The following PLEKHS1 variants were observed in gnomAD, a reference collection of about 807,000 sequenced individuals.
PLEKHS1 encodes the protein pleckstrin homology domain-containing family S member 1.
Under a neutral mutation model 51.0 loss-of-function variants are expected in PLEKHS1, and 55 were observed. That is an observed-to-expected ratio of 1.08 (90% CI 0.87 to 1.35). PLEKHS1 has a LOEUF of 1.35. PLEKHS1 is among the 40% of genes most tolerant of loss of function. The pLI is 0.00. For synonymous variants in PLEKHS1, 153 were observed against 144.8 expected (o/e 1.06, Z -0.41); for missense variants, 398 against 423.0 (o/e 0.94, Z 0.52).
exon 12 of PLEKHS1, chr10:113,782,182 T>C (rs1176661329): frequency 6.6e-6 from 1 of 152,140 alleles, no homozygotes; most frequent in East Asian, 1.9e-4. Flanking sequence ...TTACCATGCT[T>C]CACATGGAAA....
rs771104780 is a variant in PLEKHS1 at position 113,767,499 on chromosome 10, A to G, written c.359+20A>G. On this transcript the variant is annotated intron_variant, in intron 5 of 11. Transcript: ENST00000361048. The stretch of plus-strand genomic sequence containing the variant: ...CGACAGGTGAGAGAAGTAAGATAAC[A>G]CAGAATATCTACTGCATGCAAAACA... 1 of 1,596,160 alleles carries G rather than the reference A, an allele frequency of 6.3e-7. No individual in the cohort carries two copies. Among genetic ancestry groups the G allele is most frequent in the South Asian group, 1.1e-5 (1 of 87,292 alleles).
At chr10:113,762,291 T>C (rs1366582968) in intron 2 of PLEKHS1, among the ~76,000 whole-genome samples, 1 of 151,730 alleles carries the variant, frequency 6.6e-6, no homozygotes, top group Non-Finnish European at 1.5e-5. Context: ...TCTGTTGTTT[T>C]TCTGTGTTCT....
At position 113,774,940 on chromosome 10, in the gene PLEKHS1, T is replaced by C. The variant is rs550705782; in HGVS notation, c.894T>C (p.Asp298=). Residue 298 remains aspartate, a synonymous_variant, in exon 10 of 12, where the codon GAT becomes GAC. Transcript: ENST00000361048. ...TGCAAGAACAAGGCTCAGGAATTGA[T>C]TGGTGTCTTTCCCCTGCCGATGTGG... 4.0e-5 allele frequency: 64 copies of C among 1,614,152 alleles called. No homozygotes were observed. In the South Asian group the frequency reaches 4.7e-4, roughly 12 times the overall value.
intron 6 of PLEKHS1, 152 bp from the exon 7 acceptor site, chr10:113,769,632 T>C (rs1399159971): frequency 1.5e-6 from 1 of 668,934 alleles, no homozygotes; most frequent in Non-Finnish European, 2.7e-6. Context: ...AGTTCGGCTC[T>C]TGTCTTGGTG....
At chr10:113,761,509 A>T (rs4917667) in intron 2 of PLEKHS1, among the ~76,000 whole-genome samples, 27,930 of 151,858 alleles carry the variant, frequency 0.18, 2,675 homozygotes, top group East Asian at 0.29. Flanking sequence ...GTTAAATTTA[A>T]CCCTAGGTAC....
At chr10:113,756,706 G>A (rs2134468735) in intron 2 of PLEKHS1, among the ~76,000 whole-genome samples, 1 of 152,252 alleles carries the variant, frequency 6.6e-6, no homozygotes, top group African/African-American at 2.4e-5. Flanking sequence ...CCAGCAGAAG[G>A]AATGGCATGA....
At chr10:113,753,005 C>CA (rs565270096) in intron 1 of PLEKHS1, among the ~76,000 whole-genome samples, 2 of 152,036 alleles carry the variant, frequency 1.3e-5, no homozygotes, top group South Asian at 2.1e-4. Context: ...ATTCTGAACA[C>CA]AAAAAAATAA....
At position 113,780,755 on chromosome 10, in the gene PLEKHS1, A is replaced by T. The variant is rs555109084; in HGVS notation, c.*153A>T. On this transcript the variant is annotated 3_prime_UTR_variant, in exon 12 of 12. Transcript: ENST00000361048. ...CAAGAGGAGTCCGGCCATTAAAAAG[A>T]GCCAGCAGAAAGGAGCCAGGGAGTA... 24 of 1,571,044 alleles carry T rather than the reference A, an allele frequency of 1.5e-5. No individual in the cohort carries two copies. The South Asian group carries it at 2.2e-4, about 14-fold the overall frequency.
At chr10:113,755,776 C>T (rs1362945991) in intron 2 of PLEKHS1, among the ~76,000 whole-genome samples, 1 of 152,190 alleles carries the variant, frequency 6.6e-6, no homozygotes, top group Non-Finnish European at 1.5e-5. Flanking sequence ...GTAGCAGGAA[C>T]TGTTGGATTC....
At chr10:113,766,552 T>A (rs1191856371) in intron 3 of PLEKHS1, 53 bp downstream of exon 3, 4 of 1,587,358 alleles carry the variant, frequency 2.5e-6, no homozygotes, top group African/African-American at 2.7e-5. Flanking sequence ...TGAGCATTTT[T>A]AAAAATCATT....
chr10:113,770,249 TG>T (rs1844346260), intron 7 of PLEKHS1, among the ~76,000 whole-genome samples: 1 of 152,228 alleles, frequency 6.6e-6, no homozygotes, highest in Non-Finnish European at 1.5e-5. Context: ...AGACACTACC[TG>T]ATTTCTGCCC....
rs574445766 is a variant in PLEKHS1 at position 113,766,869 on chromosome 10, G to T, written c.224+151G>T. 7 of 600,668 alleles carry T rather than the reference G, an allele frequency of 1.2e-5. No individual in the cohort carries two copies. The East Asian group carries it at 1.8e-4, about 15-fold the overall frequency. The allele number at this position is 600,668 out of a possible 1,614,324, so 37.2% of individuals were successfully genotyped here. On this transcript the variant is annotated intron_variant, in intron 4 of 11. Coordinates refer to ENST00000361048, the Ensembl canonical transcript of PLEKHS1. ...TTGTGACTGAATAGGAGCTAAAATA[G>T]TGAGCACTTTGAGTTAAAAGATAGT...
At chr10:113,781,241 TTCCCAACA>T (rs1844857865) in exon 12 of PLEKHS1, 1 of 75,482 alleles carries the variant, frequency 1.3e-5, no homozygotes. Context: ...CCCAACATCC[TTCCCAACA>T]CCTCCTTCCC....
At chr10:113,773,216 A>C (rs1485551113) in intron 8 of PLEKHS1, among the ~76,000 whole-genome samples, 1 of 152,216 alleles carries the variant, frequency 6.6e-6, no homozygotes, top group Non-Finnish European at 1.5e-5. Flanking sequence ...AGTCAGATAC[A>C]ACACATGGCA....
At chr10:113,767,317 T>C (rs1844207906) in intron 4 of PLEKHS1, 28 bp from the exon 5 acceptor site, 9 of 1,533,820 alleles carry the variant, frequency 5.9e-6, no homozygotes, top group Non-Finnish European at 7.9e-6. Context: ...TTTACCTTGG[T>C]TTAATACTTT....
intron 2 of PLEKHS1, among the ~76,000 whole-genome samples, chr10:113,755,647 C>T (rs4918866): frequency 0.078 from 11,879 of 152,072 alleles, 590 homozygotes; most frequent in East Asian, 0.16. Context: ...TAGGTGATTC[C>T]CCACCTCTCA....
chr10:113,771,998 T>A (rs1844432360), exon 8 of PLEKHS1: 1 of 1,613,156 alleles, frequency 6.2e-7, no homozygotes, highest in Non-Finnish European at 8.5e-7. Flanking sequence ...TCTCCAGGAT[T>A]TAGGCAAACT....
intron 8 of PLEKHS1, among the ~76,000 whole-genome samples, chr10:113,773,814 T>C (rs917154142): frequency 1.3e-4 from 20 of 152,204 alleles, no homozygotes; most frequent in African/African-American, 4.6e-4. Flanking sequence ...CTGAAGCCAC[T>C]TGGGCTGCCT....
intron 8 of PLEKHS1, among the ~76,000 whole-genome samples, chr10:113,772,360 A>G (rs1340064781): frequency 1.3e-5 from 2 of 152,196 alleles, no homozygotes; most frequent in African/African-American, 4.8e-5. Context: ...GATCAGGAAG[A>G]TTTCAGGGAC....
Sources: allele counts gnomAD v4.1 joint callset (sites outside exome capture counted in the v4.1 genomes callset), GRCh38; gene constraint gnomAD v4.1.1; transcripts MANE v1.5; gene names NCBI Gene and HGNC (gene_info 2026-07-23, HGNC 2026-07-21).